BMPR2: variants seen among roughly 807,000 people sequenced by gnomAD.
The protein encoded by BMPR2 is bone morphogenetic protein receptor type-2.
Under a neutral mutation model 100.8 loss-of-function variants are expected in BMPR2, and 29 were observed. The ratio of observed to expected loss-of-function variants is 0.29; its 90% CI spans 0.21 to 0.39. The LOEUF (loss-of-function observed/expected upper bound fraction) is 0.39, where lower values mean the gene tolerates loss of function less well. Ranked by LOEUF, BMPR2 falls within the 10% of genes least tolerant of loss-of-function variation. The pLI is 1.00. For synonymous variants in BMPR2, 382 were observed against 442.3 expected, an observed-to-expected ratio of 0.86 and a Z score of 1.71; for missense variants, 1,011 against 1,274.5, an observed-to-expected ratio of 0.79 and a Z score of 3.15.
rs2105891406 is a variant in BMPR2 at position 202,376,635 on chromosome 2, C to G, written c.-840C>G. On this transcript the variant is annotated 5_prime_UTR_variant, in exon 1 of 13. Coordinates refer to ENST00000374580, the MANE Select transcript of BMPR2 (RefSeq NM_001204.7). The stretch of plus-strand genomic sequence containing the variant: ...GAGGCTTTCTTGGTGGAATTTACCT[C>G]AGGCAAGATCGAGCCGCAGGAATAA... 6.9e-6 allele frequency among the ~76,000 whole-genome samples: 1 copy of G among 145,570 alleles called. No homozygotes were observed. Among genetic ancestry groups the G allele is most frequent in the South Asian group, 2.6e-4 (1 of 3,904 alleles).
intron 3 of BMPR2, among the ~76,000 whole-genome samples, chr2:202,506,238 C>A (rs1355153441): frequency 1.3e-5 from 2 of 152,030 alleles, no homozygotes; most frequent in East Asian, 3.9e-4. Flanking sequence ...CTCACTGCAA[C>A]CTCCGCTTCT....
intron 10 of BMPR2, among the ~76,000 whole-genome samples, chr2:202,552,154 A>AT (rs1688490674): frequency 6.6e-6 from 1 of 151,730 alleles, no homozygotes; most frequent in Non-Finnish European, 1.5e-5. Context: ...CGCCTGGCCA[A>AT]TTTTTTTATA....
chr2:202,426,458 G>A (rs969992141), intron 1 of BMPR2, among the ~76,000 whole-genome samples: 2 of 148,464 alleles, frequency 1.3e-5, no homozygotes, highest in African/African-American at 4.9e-5. Context: ...GCGGGTGCTT[G>A]TAATCCCAGG....
intron 2 of BMPR2, among the ~76,000 whole-genome samples, chr2:202,466,344 T>C (rs1031699741): frequency 1.3e-5 from 2 of 152,104 alleles, no homozygotes; most frequent in Non-Finnish European, 2.9e-5. Flanking sequence ...TGGAGTGCAA[T>C]GGTGGGATCT....
At chr2:202,519,611 G>A (rs911862227) in intron 6 of BMPR2, among the ~76,000 whole-genome samples, 3 of 152,014 alleles carry the variant, frequency 2.0e-5, no homozygotes, top group Non-Finnish European at 4.4e-5. Context: ...GAAAGAAGCA[G>A]TACTTTGATT....
At position 202,441,541 on chromosome 2, in the gene BMPR2, A is replaced by G. The variant is rs1479738670; in HGVS notation, c.77-23268A>G. Among the ~76,000 whole-genome samples the G allele has an allele frequency of 1.5e-4, 20 of 134,624 alleles. 1 individual carries two copies. Among genetic ancestry groups the G allele is most frequent in the Non-Finnish European group, 2.8e-4 (18 of 63,406 alleles). The allele number at this position is 134,624 out of a possible 152,430, so 88.3% of individuals were successfully genotyped here. On this transcript the variant is annotated intron_variant, in intron 1 of 12. Coordinates refer to ENST00000374580, the MANE Select transcript of BMPR2 (RefSeq NM_001204.7). ...AACACGGTGAAACCCCGTCTCTACTAAAAAAAAAAAACAACAAAAAACAAA... is the reference window on the plus strand; with the variant it reads ...AACACGGTGAAACCCCGTCTCTACTGAAAAAAAAAAACAACAAAAAACAAA...
At chr2:202,453,017 TA>T (rs1470493065) in intron 1 of BMPR2, among the ~76,000 whole-genome samples, 1 of 152,122 alleles carries the variant, frequency 6.6e-6, no homozygotes, top group Non-Finnish European at 1.5e-5. Flanking sequence ...AAGAGAATGG[TA>T]CTTTATGTGT....
At chr2:202,390,980 CTTTTTTTTTTTTTT>C (rs11459505) in intron 1 of BMPR2, among the ~76,000 whole-genome samples, 15 of 51,932 alleles carry the variant, frequency 2.9e-4, no homozygotes, top group Admixed American at 2.2e-3. Context: ...AGTAAGTAGT[CTTTTTTTTTTTTTT>C]TTTTTTTTTT....
At chr2:202,552,956 A>G in intron 11 of BMPR2, 68 bp downstream of exon 11, 1 of 1,581,706 alleles carries the variant, frequency 6.3e-7, no homozygotes, top group South Asian at 1.1e-5. Context: ...AAGAATAGAA[A>G]ATAAATACTT....
At chr2:202,518,710 CTG>C in intron 5 of BMPR2, 110 bp from the exon 6 acceptor site, 1 of 912,496 alleles carries the variant, frequency 1.1e-6, no homozygotes, top group Non-Finnish European at 1.8e-6. Context: ...ATGGAATAAA[CTG>C]TAAGCAACAG....
chr2:202,393,892 A>AGCGAGAGAGC (rs1690605157), intron 1 of BMPR2, among the ~76,000 whole-genome samples: 8 of 88,682 alleles, frequency 9.0e-5, no homozygotes, highest in African/African-American at 4.8e-4. Flanking sequence ...CGAGAGAGAG[A>AGCGAGAGAGC]GAGAGAGAGA....
chr2:202,427,536 T>C (rs1400129938), intron 1 of BMPR2, among the ~76,000 whole-genome samples: 1 of 152,122 alleles, frequency 6.6e-6, no homozygotes, highest in African/African-American at 2.4e-5. Flanking sequence ...AAGGCTTTGT[T>C]TTCCTCTGAA....
At chr2:202,541,157 A>G (rs1372050145) in intron 9 of BMPR2, among the ~76,000 whole-genome samples, 2 of 152,188 alleles carry the variant, frequency 1.3e-5, no homozygotes, top group Non-Finnish European at 2.9e-5. Context: ...AGGAATTTTT[A>G]GAGCTGGGCA....
chr2:202,421,596 T>G (rs954715714), intron 1 of BMPR2, among the ~76,000 whole-genome samples: 3 of 147,496 alleles, frequency 2.0e-5, no homozygotes, highest in African/African-American at 7.5e-5. Flanking sequence ...GAGCGGACAT[T>G]GTGCCACTGC....
chr2:202,401,517 G>T (rs759124853), intron 1 of BMPR2, among the ~76,000 whole-genome samples: 7 of 152,144 alleles, frequency 4.6e-5, no homozygotes, highest in Non-Finnish European at 8.8e-5. Flanking sequence ...AGTGTGGCAC[G>T]CCAACTGAAA....
intron 1 of BMPR2, among the ~76,000 whole-genome samples, chr2:202,463,843 T>C (rs929173145): frequency 9.2e-5 from 14 of 152,192 alleles, no homozygotes; most frequent in Non-Finnish European, 1.3e-4. Flanking sequence ...CTGGTTATTA[T>C]ATTGATAATT....
At chr2:202,405,687 C>CA (rs397987374) in intron 1 of BMPR2, among the ~76,000 whole-genome samples, 4,577 of 60,554 alleles carry the variant, frequency 0.076, 237 homozygotes, top group African/African-American at 0.15. Context: ...GACTCCGCCT[C>CA]AAAAAAAAAA....
intron 3 of BMPR2, among the ~76,000 whole-genome samples, chr2:202,512,641 C>T (rs898067211): frequency 6.6e-6 from 1 of 152,146 alleles, no homozygotes; most frequent in Non-Finnish European, 1.5e-5. Flanking sequence ...TGTGGCCATC[C>T]ATCCTAAAGG....
intron 3 of BMPR2, among the ~76,000 whole-genome samples, chr2:202,479,409 T>C (rs983217521): frequency 6.6e-6 from 1 of 151,264 alleles, no homozygotes; most frequent in African/African-American, 2.5e-5. Context: ...AGAGCACTTA[T>C]ATAAACAGTA....
Sources: allele counts gnomAD v4.1 joint callset (sites outside exome capture counted in the v4.1 genomes callset), GRCh38; gene constraint gnomAD v4.1.1; transcripts MANE v1.5; gene names NCBI Gene and HGNC (gene_info 2026-07-23, HGNC 2026-07-21).